RIMS1: variants seen among roughly 807,000 people sequenced by gnomAD.
The protein encoded by RIMS1 is regulating synaptic membrane exocytosis 1, also known as regulating synaptic membrane exocytosis protein 1.
RIMS1 carries 83 observed loss-of-function variants against 214.1 expected under a neutral mutation model. The observed-to-expected ratio is 0.39, with a 90% CI of 0.32 to 0.47. RIMS1 has a LOEUF of 0.47. Among genes scored for constraint, RIMS1 ranks in the 20% least tolerant of loss-of-function variants. RIMS1 has a pLI of 0.99. For missense variants in RIMS1, 2,050 were observed against 2,161.8 expected, an observed-to-expected ratio of 0.95 and a Z score of 1.03; for synonymous variants, 793 against 786.8, an observed-to-expected ratio of 1.01 and a Z score of -0.13.
intron 6 of RIMS1, among the ~76,000 whole-genome samples, chr6:72,188,695 C>T (rs188874593): frequency 6.6e-6 from 1 of 152,278 alleles, no homozygotes; most frequent in African/African-American, 2.4e-5. Flanking sequence ...GTAGAGTCAC[C>T]CAGACCATCA....
At chr6:71,994,604 C>A (rs1327223557) in intron 2 of RIMS1, among the ~76,000 whole-genome samples, 1 of 152,072 alleles carries the variant, frequency 6.6e-6, no homozygotes, top group Non-Finnish European at 1.5e-5. Context: ...GAGCCTTATC[C>A]AAATGGTATT....
intron 26 of RIMS1, among the ~76,000 whole-genome samples, chr6:72,292,681 C>T (rs2093578655): frequency 6.6e-6 from 1 of 152,060 alleles, no homozygotes; most frequent in South Asian, 2.1e-4. Context: ...ATGATTTAGA[C>T]ACTACGTTAA....
intron 4 of RIMS1, among the ~76,000 whole-genome samples, chr6:72,112,879 C>G (rs1187748692): frequency 6.6e-6 from 1 of 152,166 alleles, no homozygotes; most frequent in Non-Finnish European, 1.5e-5. Flanking sequence ...TCAGTGCCAA[C>G]AAACTTGCCT....
At chr6:72,095,116 ATTTTT>A (rs71540328) in intron 2 of RIMS1, among the ~76,000 whole-genome samples, 2 of 98,980 alleles carry the variant, frequency 2.0e-5, no homozygotes, top group South Asian at 3.8e-4. Flanking sequence ...ACGCCCGACT[ATTTTT>A]TTTTTTTTTT....
chr6:72,363,656 CAT>C (rs2097898859), intron 29 of RIMS1, among the ~76,000 whole-genome samples: 1 of 152,078 alleles, frequency 6.6e-6, no homozygotes, highest in Non-Finnish European at 1.5e-5. Context: ...CTACTGGAAA[CAT>C]ACAAAAAAGA....
At chr6:72,228,307 G>A (rs543845405) in intron 6 of RIMS1, among the ~76,000 whole-genome samples, 18 of 151,642 alleles carry the variant, frequency 1.2e-4, no homozygotes, top group African/African-American at 1.7e-4. Flanking sequence ...ATACCTCCCC[G>A]TTTCCCCTGT....
intron 24 of RIMS1, among the ~76,000 whole-genome samples, chr6:72,286,010 C>A (rs1591977025): frequency 6.6e-6 from 1 of 152,004 alleles, no homozygotes; most frequent in East Asian, 1.9e-4. Flanking sequence ...CTAACCTGAC[C>A]AACATGGAGA....
intron 2 of RIMS1, among the ~76,000 whole-genome samples, chr6:72,037,975 C>T (rs1012823654): frequency 1.3e-5 from 2 of 149,848 alleles, no homozygotes; most frequent in African/African-American, 4.9e-5. Context: ...TATCTGGGCA[C>T]TCTGACGTGT....
At chr6:72,157,982 C>A (rs1351515739) in intron 4 of RIMS1, among the ~76,000 whole-genome samples, 1 of 140,206 alleles carries the variant, frequency 7.1e-6, no homozygotes, top group Non-Finnish European at 1.6e-5. Flanking sequence ...ACCTCATTCA[C>A]CATTAACATA....
At chr6:72,130,797 A>G (rs556834048) in intron 4 of RIMS1, among the ~76,000 whole-genome samples, 1 of 152,272 alleles carries the variant, frequency 6.6e-6, no homozygotes, top group South Asian at 2.1e-4. Flanking sequence ...CTTGAGGAAA[A>G]TACACTAAGG....
intron 6 of RIMS1, among the ~76,000 whole-genome samples, chr6:72,186,037 A>C (rs557689643): frequency 6.6e-6 from 1 of 152,334 alleles, no homozygotes; most frequent in Admixed American, 6.5e-5. Flanking sequence ...GTGAGAATAG[A>C]GTATATGATA....
At chr6:72,380,701 C>CT (rs1331846943) in intron 29 of RIMS1, among the ~76,000 whole-genome samples, 3 of 152,118 alleles carry the variant, frequency 2.0e-5, no homozygotes, top group East Asian at 3.9e-4. Context: ...CTTCAGATTA[C>CT]TTTTTTTTAA....
At chr6:72,021,772 T>C (rs752156905) in intron 2 of RIMS1, among the ~76,000 whole-genome samples, 3 of 152,120 alleles carry the variant, frequency 2.0e-5, no homozygotes, top group Non-Finnish European at 2.9e-5. Context: ...TGGCTTTCAT[T>C]CCCAAGTTTT....
At chr6:72,233,307 T>C (rs946300285) in intron 6 of RIMS1, among the ~76,000 whole-genome samples, 2 of 151,860 alleles carry the variant, frequency 1.3e-5, no homozygotes, top group Non-Finnish European at 1.5e-5. Flanking sequence ...GTATGTTATG[T>C]TTTTTAGTTG....
rs965478583 is a variant in RIMS1, at chr6:72,376,927, C to T, written c.4367-13671C>T. 4.6e-5 allele frequency among the ~76,000 whole-genome samples: 7 copies of T among 152,060 alleles called. No individual in the cohort carries two copies. The East Asian group carries it at 9.6e-4, about 21-fold the overall frequency. The stretch of plus-strand genomic sequence containing the variant: ...ATCAAAATAAAGGATTCATTGTTTA[C>T]GAAGCATGGGACAGTTTTACGCTTG... On this transcript the variant is annotated intron_variant, in intron 29 of 33. Transcript: ENST00000521978.
intron 1 of RIMS1, among the ~76,000 whole-genome samples, chr6:71,898,974 T>C (rs1004779486): frequency 6.6e-6 from 1 of 152,162 alleles, no homozygotes. Flanking sequence ...CTATTTGTTA[T>C]AGAAAACTCC....
At chr6:72,372,082 C>G (rs1366030871) in intron 29 of RIMS1, among the ~76,000 whole-genome samples, 1 of 152,224 alleles carries the variant, frequency 6.6e-6, no homozygotes, top group African/African-American at 2.4e-5. Flanking sequence ...TCTAAAATAC[C>G]TGGGCCAAGG....
chr6:72,036,490 C>G (rs1237805593), intron 2 of RIMS1, among the ~76,000 whole-genome samples: 1 of 152,006 alleles, frequency 6.6e-6, no homozygotes, highest in Non-Finnish European at 1.5e-5. Flanking sequence ...GTTCCTGTAC[C>G]CAAAGCTGCT....
At chr6:72,048,757 A>T (rs1159586516) in intron 2 of RIMS1, among the ~76,000 whole-genome samples, 1 of 152,226 alleles carries the variant, frequency 6.6e-6, no homozygotes, top group Non-Finnish European at 1.5e-5. Flanking sequence ...TTGAGACCAG[A>T]GAGTAAATTC....
Sources: allele counts gnomAD v4.1 joint callset (sites outside exome capture counted in the v4.1 genomes callset), GRCh38; gene constraint gnomAD v4.1.1; transcripts MANE v1.5; gene names NCBI Gene and HGNC (gene_info 2026-07-23, HGNC 2026-07-21).